Variants in DCN observed in about 807,000 individuals in gnomAD.
DCN encodes the protein bone proteoglycan II.
A neutral mutation model predicts 36.5 loss-of-function variants in DCN; 17 were observed. The ratio of observed to expected loss-of-function variants is 0.47; its 90% CI spans 0.32 to 0.70. The LOEUF is 0.70. DCN is among the 30% of genes least tolerant of loss of function. The pLI is 0.04. For synonymous variants in DCN, 163 were observed against 161.4 expected (o/e 1.01, Z -0.07); for missense variants, 389 against 430.1 (o/e 0.90, Z 0.84).
chr12:91,181,789 A>G (rs1157572313), intron 1 of DCN, among the ~76,000 whole-genome samples: 1 of 151,976 alleles, frequency 6.6e-6, no homozygotes, highest in Non-Finnish European at 1.5e-5. Context: ...ATGATTAAAA[A>G]CTTCAATTAT....
chr12:91,152,099 A>G (rs1001529079), intron 6 of DCN, among the ~76,000 whole-genome samples: 9 of 152,268 alleles, frequency 5.9e-5, no homozygotes, highest in African/African-American at 2.2e-4. Flanking sequence ...GGAACATAAT[A>G]TTCCTAATAG....
At chr12:91,175,208 A>G (rs1478525761) in intron 2 of DCN, 1 of 152,102 alleles carries the variant, frequency 6.6e-6, no homozygotes, top group African/African-American at 2.4e-5. Context: ...CATGATAGAT[A>G]AAAGAAGACA....
At chr12:91,171,233 C>T (rs915380975) in intron 2 of DCN, among the ~76,000 whole-genome samples, 2 of 152,084 alleles carry the variant, frequency 1.3e-5, no homozygotes. Context: ...AATTATTTAA[C>T]ATCTTAATGT....
chr12:91,146,302 G>T, intron 7 of DCN, 50 bp from the exon 8 acceptor site: 2 of 1,014,958 alleles, frequency 2.0e-6, no homozygotes, highest in Non-Finnish European at 1.5e-6. Context: ...AATATGTTGA[G>T]GCCCTTCAGG....
chr12:91,163,482 C>A (rs538290068), intron 3 of DCN, among the ~76,000 whole-genome samples: 1 of 152,272 alleles, frequency 6.6e-6, no homozygotes, highest in Admixed American at 6.5e-5. Flanking sequence ...CTGAGACCCT[C>A]AAATTCTTCT....
chr12:91,146,214 T>C lies in DCN; in HGVS notation c.924A>G (p.Gly308=). 1.2e-6 allele frequency: 2 copies of C among 1,612,766 alleles called. No individual in the cohort carries two copies. Among genetic ancestry groups the C allele is most frequent in the South Asian group, 1.1e-5 (1 of 90,982 alleles). Residue 308 remains glycine, a synonymous_variant, in exon 8 of 8, where the codon GGA becomes GGG. Transcript: ENST00000052754. ...GTCCAGGTGGGCAGAAGTCACTTGA[T>C]CCAACTACAGAGATATTGTTGTTAT... ...YLHNNNISVV[G]SSDFCPPGHN...
At chr12:91,173,373 A>T (rs1012201117) in intron 2 of DCN, among the ~76,000 whole-genome samples, 1 of 152,152 alleles carries the variant, frequency 6.6e-6, no homozygotes, top group Admixed American at 6.6e-5. Flanking sequence ...AACAAGGGCT[A>T]TGTTAGTTGT....
At chr12:91,175,564 T>C (rs1030578479) in intron 2 of DCN, 1 of 152,138 alleles carries the variant, frequency 6.6e-6, no homozygotes, top group Non-Finnish European at 1.5e-5. Flanking sequence ...TCAAACATTT[T>C]AATTTAAAAA....
At chr12:91,177,262 G>T in intron 2 of DCN, 1 of 350,744 alleles carries the variant, frequency 2.9e-6, no homozygotes, top group Non-Finnish European at 5.2e-6. Context: ...CGTTACTACT[G>T]AATATACTTT....
chr12:91,167,875 C>T (rs1882686278), intron 2 of DCN, among the ~76,000 whole-genome samples: 1 of 152,144 alleles, frequency 6.6e-6, no homozygotes, highest in Admixed American at 6.6e-5. Flanking sequence ...GAGTCTTGCT[C>T]TGTCGCTCAG....
Position 91,158,665 on chromosome 12 carries a change from C to T in DCN, c.325-156G>A, listed in dbSNP as rs189153520. Among the ~76,000 whole-genome samples the T allele has an allele frequency of 5.9e-5, 9 of 152,134 alleles. No homozygotes were observed. The East Asian group carries it at 1.4e-3, about 23-fold the overall frequency. On this transcript the variant is annotated intron_variant, in intron 3 of 7. Coordinates refer to ENST00000052754, the MANE Select transcript of DCN (RefSeq NM_001920.5). Reference sequence around the variant, plus strand: ...AAATTAAGTAAGTATTATTTCTTTACTTAAGAAGTGTATAGGCCAGGTGCG... The same window carrying T: ...AAATTAAGTAAGTATTATTTCTTTATTTAAGAAGTGTATAGGCCAGGTGCG...
chr12:91,148,315 C>T (rs539190186), intron 7 of DCN, among the ~76,000 whole-genome samples: 7 of 152,062 alleles, frequency 4.6e-5, no homozygotes, highest in South Asian at 2.1e-4. Context: ...CATCGTGATC[C>T]GCCCACCTCA....
intron 5 of DCN, among the ~76,000 whole-genome samples, chr12:91,154,416 A>G (rs1881627322): frequency 6.6e-6 from 1 of 151,014 alleles, no homozygotes; most frequent in African/African-American, 2.5e-5. Context: ...CAAAGTTACA[A>G]AGTAATTACA....
chr12:91,151,535 AC>A, intron 7 of DCN, 118 bp downstream of exon 7: 1 of 1,075,772 alleles, frequency 9.3e-7, no homozygotes, highest in African/African-American at 1.6e-5. Context: ...AGAAATTCTA[AC>A]TAAGACACTC....
At chr12:91,177,711 C>T (rs758773900) in intron 2 of DCN, 24 of 696,080 alleles carry the variant, frequency 3.4e-5, no homozygotes, top group South Asian at 1.5e-5. Flanking sequence ...TACACCATAC[C>T]TTAGTGATAA....
chr12:91,156,935 A>G, intron 5 of DCN, 140 bp downstream of exon 5: 2 of 643,148 alleles, frequency 3.1e-6, no homozygotes, highest in Non-Finnish European at 5.5e-6. Flanking sequence ...CACTGGATGA[A>G]ACACTAGCAG....
At position 91,157,198 on chromosome 12, in the gene DCN, T is replaced by A; in HGVS notation, c.539-10A>T. ...GGATTGGTGCCCAGTTCTACAAATG[T>A]AATAAGTGCAAGGCTTTTAGAGGAA... On this transcript the variant is annotated splice_polypyrimidine_tract_variant and intron_variant, in intron 4 of 7. Coordinates refer to ENST00000052754, the MANE Select transcript of DCN (RefSeq NM_001920.5). The A allele has an allele frequency of 6.3e-7, 1 of 1,592,476 alleles. No individual in the cohort carries two copies. Among genetic ancestry groups the A allele is most frequent in the Non-Finnish European group, 8.6e-7 (1 of 1,160,310 alleles).
At chr12:91,177,685 A>G (rs1013039499) in intron 2 of DCN, 1 of 698,862 alleles carries the variant, frequency 1.4e-6, no homozygotes, top group Non-Finnish European at 2.6e-6. Flanking sequence ...TATGTAACAC[A>G]ATTATATTGA....
At chr12:91,148,176 C>T (rs2121144321) in intron 7 of DCN, among the ~76,000 whole-genome samples, 1 of 151,996 alleles carries the variant, frequency 6.6e-6, no homozygotes, top group East Asian at 2.0e-4. Flanking sequence ...CGGGTTCACG[C>T]CATTCTCCTG....
Sources: gnomAD v4.1 joint callset for allele counts (sites outside exome capture counted in the v4.1 genomes callset) on GRCh38, gnomAD v4.1.1 for gene constraint, MANE v1.5 for transcripts, NCBI Gene and HGNC (gene_info 2026-07-23, HGNC 2026-07-21) for gene names.